Variants in NAV2 observed in about 807,000 individuals in gnomAD.
The protein encoded by NAV2 is neuron navigator 2, also known as helicase, APC down-regulated 1.
NAV2 carries 54 observed loss-of-function variants against 223.2 expected under a neutral mutation model. That is an observed-to-expected ratio of 0.24 (90% confidence interval 0.19 to 0.30). The LOEUF is 0.30. Ranked by LOEUF, NAV2 falls within the 10% of genes least tolerant of loss-of-function variation. NAV2 has a pLI of 1.00. For synonymous variants in NAV2, 1,279 were observed against 1,239.3 expected, an observed-to-expected ratio of 1.03 and a Z score of -0.67; for missense variants, 2,806 against 3,147.5, an observed-to-expected ratio of 0.89 and a Z score of 2.60.
chr11:19,463,217 G>T (rs779599862), intron 1 of NAV2, among the ~76,000 whole-genome samples: 17 of 152,168 alleles, frequency 1.1e-4, no homozygotes, highest in Non-Finnish European at 1.6e-4. Context: ...GTATTTAATG[G>T]GTCCTAAATA....
chr11:19,591,842 G>A (rs1271852883), intron 1 of NAV2, among the ~76,000 whole-genome samples: 1 of 152,200 alleles, frequency 6.6e-6, no homozygotes, highest in African/African-American at 2.4e-5. Flanking sequence ...GCAGAGTTCT[G>A]CCTGGCTTTT....
At chr11:20,082,712 C>A in intron 25 of NAV2, 3 of 1,111,750 alleles carry the variant, frequency 2.7e-6, no homozygotes, top group Non-Finnish European at 4.1e-6. Flanking sequence ...TGCTGTGTAA[C>A]CTCATCTTCC....
At chr11:19,706,379 A>G (rs10734279) in intron 1 of NAV2, among the ~76,000 whole-genome samples, 100,000 of 152,066 alleles carry the variant, frequency 0.66, 37,772 homozygotes, top group Admixed American at 0.83. Context: ...AATTCTCTCT[A>G]TTACTTTAGG....
At chr11:19,952,113 CACTT>C (rs2047445884) in intron 10 of NAV2, among the ~76,000 whole-genome samples, 1 of 152,216 alleles carries the variant, frequency 6.6e-6, no homozygotes, top group African/African-American at 2.4e-5. Flanking sequence ...CAGAGCAAGA[CACTT>C]AATGTCTTTT....
intron 1 of NAV2, among the ~76,000 whole-genome samples, chr11:19,754,222 C>CT (rs2152511160): frequency 1.3e-5 from 2 of 152,232 alleles, no homozygotes; most frequent in African/African-American, 4.8e-5. Context: ...GGGCCTTTCT[C>CT]TTTTTTCTGA....
chr11:19,412,018 C>T (rs1408962034), intron 1 of NAV2, among the ~76,000 whole-genome samples: 1 of 152,142 alleles, frequency 6.6e-6, no homozygotes, highest in Non-Finnish European at 1.5e-5. Flanking sequence ...GTCTTTCGAG[C>T]TAGCTGCAGG....
intron 2 of NAV2, among the ~76,000 whole-genome samples, chr11:19,838,444 G>A (rs1265859583): frequency 6.6e-6 from 1 of 152,154 alleles, no homozygotes; most frequent in Non-Finnish European, 1.5e-5. Flanking sequence ...AGAGAAAATA[G>A]TGTGTAGAGA....
intron 1 of NAV2, among the ~76,000 whole-genome samples, chr11:19,403,748 G>T (rs1849779231): frequency 1.3e-5 from 2 of 152,178 alleles, no homozygotes; most frequent in African/African-American, 2.4e-5. Context: ...AACAGGCATG[G>T]ATGTCAGGTG....
At chr11:20,006,398 C>T (rs1192159806) in intron 11 of NAV2, among the ~76,000 whole-genome samples, 3 of 151,528 alleles carry the variant, frequency 2.0e-5, no homozygotes, top group South Asian at 2.1e-4. Context: ...AAATTGTGGC[C>T]GAATGCAGTG....
intron 6 of NAV2, among the ~76,000 whole-genome samples, chr11:19,930,659 A>G (rs914265268): frequency 1.3e-5 from 2 of 152,258 alleles, no homozygotes; most frequent in African/African-American, 4.8e-5. Flanking sequence ...CTAAAACAGT[A>G]TCTGACACAT....
chr11:19,538,731 C>A (rs1465838361), intron 1 of NAV2, among the ~76,000 whole-genome samples: 2 of 151,310 alleles, frequency 1.3e-5, no homozygotes, highest in Non-Finnish European at 2.9e-5. Context: ...ATTTATGTAT[C>A]TTTTTAAATT....
chr11:19,590,501 G>T (rs1347343328), intron 1 of NAV2, among the ~76,000 whole-genome samples: 2 of 152,150 alleles, frequency 1.3e-5, no homozygotes, highest in Non-Finnish European at 2.9e-5. Flanking sequence ...AAAAGCAATT[G>T]TCCCAGAGGA....
At chr11:20,111,069 G>A (rs1219868365) in intron 36 of NAV2, among the ~76,000 whole-genome samples, 1 of 152,182 alleles carries the variant, frequency 6.6e-6, no homozygotes, top group Non-Finnish European at 1.5e-5. Flanking sequence ...TCGCCCTCTA[G>A]TGAGCATAAG....
intron 1 of NAV2, among the ~76,000 whole-genome samples, chr11:19,793,703 C>T (rs900924446): frequency 1.4e-5 from 2 of 140,974 alleles, no homozygotes; most frequent in African/African-American, 5.0e-5. Context: ...TTAACCTTTC[C>T]CTGGCTACTC....
In NAV2 at chr11:19,832,576, C is replaced by G; in HGVS notation, c.360C>G (p.Leu120=). ...DLQQDVTDGV[L]LAQIIQVVAN... ...AGCAAGATGTGACAGATGGCGTCCT[C>G]CTGGCCCAGATTATCCAGGTTGTGG... The change falls in exon 2 of 38, where the codon CTC becomes CTG. Residue 120 remains leucine, a synonymous_variant. Coordinates refer to ENST00000349880, the MANE Select transcript of NAV2 (RefSeq NM_145117.5). The G allele has an allele frequency of 6.2e-7, 1 of 1,614,198 alleles. No individual in the cohort carries two copies. Among genetic ancestry groups the G allele is most frequent in the Non-Finnish European group, 8.5e-7 (1 of 1,180,036 alleles).
At chr11:19,952,885 T>C (rs116875800) in intron 10 of NAV2, among the ~76,000 whole-genome samples, 1,871 of 152,302 alleles carry the variant, frequency 0.012, 20 homozygotes, top group Middle Eastern at 0.044. Context: ...GTTCTTATAT[T>C]GTGCCTGGTA....
intron 9 of NAV2, 32 bp downstream of exon 9, chr11:19,946,541 A>G (rs755932376): frequency 3.8e-5 from 60 of 1,562,548 alleles, no homozygotes; most frequent in Non-Finnish European, 4.9e-5. Flanking sequence ...TTACTGAACT[A>G]CCTGGTATCC....
chr11:20,089,936 A>G (rs948485606), intron 26 of NAV2, among the ~76,000 whole-genome samples: 2 of 152,206 alleles, frequency 1.3e-5, no homozygotes, highest in South Asian at 4.1e-4. Flanking sequence ...ATAATTAGCC[A>G]GGCTGTTGCA....
At chr11:19,824,192 C>A (rs1384913002) in intron 1 of NAV2, among the ~76,000 whole-genome samples, 1 of 152,182 alleles carries the variant, frequency 6.6e-6, no homozygotes, top group Admixed American at 6.5e-5. Context: ...CTGTATATCA[C>A]CACTGCACAA....
Sources: allele counts gnomAD v4.1 joint callset (sites outside exome capture counted in the v4.1 genomes callset), GRCh38; gene constraint gnomAD v4.1.1; transcripts MANE v1.5; gene names NCBI Gene and HGNC (gene_info 2026-07-23, HGNC 2026-07-21).